Variants in PARD3B observed in about 807,000 individuals in gnomAD.
The protein encoded by PARD3B is partitioning defective 3 homolog B.
Under a neutral mutation model 130.2 loss-of-function variants are expected in PARD3B, and 103 were observed. That is an observed-to-expected ratio of 0.79 (90% CI 0.67 to 0.93). The LOEUF is 0.93. Among genes scored for constraint, PARD3B ranks in the 40% least tolerant of loss-of-function variants. The probability of loss-of-function intolerance (pLI) is 0.00; values close to 1 mark genes in which losing one functional copy is unlikely to be tolerated. For synonymous variants in PARD3B, 583 were observed against 553.2 expected, an observed-to-expected ratio of 1.05 and a Z score of -0.76; for missense variants, 1,609 against 1,499.2, an observed-to-expected ratio of 1.07 and a Z score of -1.21.
In PARD3B at chr2:205,446,299, G is replaced by T. The variant is rs2047905314; in HGVS notation, c.3044+5627G>T. On this transcript the variant is annotated intron_variant, in intron 20 of 22. Transcript: ENST00000406610. This position sits in a 1 kb window ranked among gnomAD's most constrained non-coding sequence, Gnocchi z 4.4. ...GGGGCAGGGTTTGGGTTGGAGAAGAGCTCGCTGAGGGGAAGAACTCACTGA... is the reference window on the plus strand; with the variant it reads ...GGGGCAGGGTTTGGGTTGGAGAAGATCTCGCTGAGGGGAAGAACTCACTGA... Among the ~76,000 whole-genome samples, 1 of 152,084 alleles carries T rather than the reference G, an allele frequency of 6.6e-6. No individual in the cohort carries two copies. The highest frequency in any genetic ancestry group is 2.4e-5 in the African/African-American group (1 of 41,396).
chr2:205,598,157 G>A (rs2054637541), intron 22 of PARD3B, among the ~76,000 whole-genome samples: 2 of 152,074 alleles, frequency 1.3e-5, no homozygotes, highest in African/African-American at 4.8e-5. Context: ...CCGTTTAAAA[G>A]GCAGAGAGTG....
In PARD3B at chr2:205,258,421, C is replaced by G. The variant is rs2040179675; in HGVS notation, c.2185+12599C>G. Among the ~76,000 whole-genome samples, 1 of 152,198 alleles carries G rather than the reference C, an allele frequency of 6.6e-6. No homozygotes were observed. Among genetic ancestry groups the G allele is most frequent in the African/African-American group, 2.4e-5 (1 of 41,458 alleles). On this transcript the variant is annotated intron_variant, in intron 16 of 22. Coordinates refer to ENST00000406610, the MANE Select transcript of PARD3B (RefSeq NM_001302769.2). The surrounding 1 kb of genome is among the most constrained non-coding windows in gnomAD (Gnocchi z 4.9). ...CTTTCTTCAAAGACAATTTCTGTGA[C>G]CACCCTATCTAAAATAGTCACCCAA...
chr2:205,108,580 C>T lies in PARD3B; in HGVS notation c.593+4066C>T, dbSNP rs150918121. Among the ~76,000 whole-genome samples the T allele has an allele frequency of 5.9e-5, 9 of 152,204 alleles. No homozygotes were observed. The East Asian group carries it at 1.6e-3, about 26-fold the overall frequency. Reference sequence around the variant, plus strand: ...ACTATCCTCGTTCAATATCTCCATACAGTTGACTTTCTCTCCTGTGCATGC... The same window carrying T: ...ACTATCCTCGTTCAATATCTCCATATAGTTGACTTTCTCTCCTGTGCATGC... On this transcript the variant is annotated intron_variant, in intron 5 of 22. Transcript: ENST00000406610.
intron 18 of PARD3B, among the ~76,000 whole-genome samples, chr2:205,382,426 A>T (rs2045486540): frequency 1.3e-5 from 2 of 152,106 alleles, no homozygotes; most frequent in South Asian, 4.1e-4. Flanking sequence ...AGTGATGTTC[A>T]TCTTGATCAT....
Position 205,247,905 on chromosome 2 carries a change from C to A in PARD3B, c.2185+2083C>A, listed in dbSNP as rs76280822. Among the ~76,000 whole-genome samples, 57 of 152,008 alleles carry A rather than the reference C, an allele frequency of 3.7e-4. No individual in the cohort carries two copies. In the East Asian group the frequency reaches 5.6e-3, roughly 15 times the overall value. ...AAAATTTATGTACTCTAAGAACATA[C>A]CCTTCCCCATTTTTTGTTTTTTGTT... On this transcript the variant is annotated intron_variant, in intron 16 of 22. Transcript: ENST00000406610.
Position 205,615,747 on chromosome 2 carries a change from C to T in PARD3B, c.3552C>T (p.Ser1184=), listed in dbSNP as rs775339884. The T allele has an allele frequency of 6.2e-7, 1 of 1,614,072 alleles. No homozygotes were observed. Among genetic ancestry groups the T allele is most frequent in the South Asian group, 1.1e-5 (1 of 91,070 alleles). ...GCAGACCAGGGCCCCGTGGGGGCAG[C>T]CCAGACCAGTACCCTTACCGAACCC... is the stretch of plus-strand genomic sequence containing the variant. ...ETGRPGPRGG[S]PDQYPYRTQD... The change falls in exon 23 of 23, where the codon AGC becomes AGT. Residue 1184 remains serine (S), a synonymous_variant. Coordinates refer to ENST00000406610, the MANE Select transcript of PARD3B (RefSeq NM_001302769.2).
chr2:205,525,264 C>T lies in PARD3B; in HGVS notation c.3180+25233C>T, dbSNP rs1224115665. ...GTATGTAAAACTTCCAAATTGGTTTCCTTACCACTCCAAGAGTGGGGTCTC... is the reference window on the plus strand; with the variant it reads ...GTATGTAAAACTTCCAAATTGGTTTTCTTACCACTCCAAGAGTGGGGTCTC... On this transcript the variant is annotated intron_variant, in intron 21 of 22. Transcript: ENST00000406610. This position sits in a 1 kb window ranked among gnomAD's most constrained non-coding sequence, Gnocchi z 4.2. Among the ~76,000 whole-genome samples the T allele has an allele frequency of 1.3e-5, 2 of 152,098 alleles. No homozygotes were observed. Among genetic ancestry groups the T allele is most frequent in the African/African-American group, 2.4e-5 (1 of 41,422 alleles).
chr2:204,800,565 G>A (rs892842358), intron 2 of PARD3B, among the ~76,000 whole-genome samples: 1 of 152,062 alleles, frequency 6.6e-6, no homozygotes, highest in Non-Finnish European at 1.5e-5. Context: ...GTCCAAAAAC[G>A]ACCTCAAGGC....
rs752032800 is a variant in PARD3B at position 205,590,520 on chromosome 2, C to T, written c.3261-24936C>T. On this transcript the variant is annotated intron_variant, in intron 22 of 22. Transcript: ENST00000406610. The surrounding 1 kb of genome is among the most constrained non-coding windows in gnomAD (Gnocchi z 4.1). ...AATCACTGTGCCCGAGGGGATGGAA[C>T]GTTCTGATGATCCAGGCCTGGGTCA... 2.0e-5 allele frequency among the ~76,000 whole-genome samples: 3 copies of T among 152,156 alleles called. No homozygotes were observed. The highest frequency in any genetic ancestry group is 7.2e-5 in the African/African-American group (3 of 41,430).
At chr2:204,729,441 T>C (rs912487326) in intron 2 of PARD3B, among the ~76,000 whole-genome samples, 1 of 152,178 alleles carries the variant, frequency 6.6e-6, no homozygotes, top group African/African-American at 2.4e-5. Context: ...AGCCTCTGTT[T>C]CCATAAAGCT....
intron 1 of PARD3B, among the ~76,000 whole-genome samples, chr2:204,576,937 G>A (rs879907548): frequency 1.2e-4 from 18 of 152,058 alleles, no homozygotes; most frequent in Non-Finnish European, 2.2e-4. Flanking sequence ...GTTTTTAATG[G>A]ATATTTTTCT....
At chr2:205,333,052 A>G (rs1274102349) in intron 18 of PARD3B, among the ~76,000 whole-genome samples, 1 of 152,188 alleles carries the variant, frequency 6.6e-6, no homozygotes, top group Non-Finnish European at 1.5e-5. Flanking sequence ...AATGTGGTTT[A>G]AGTTTGTAAA....
In PARD3B at chr2:204,546,113, G is replaced by C. The variant is rs1428468350; in HGVS notation, c.114G>C (p.Arg38=). The change falls in exon 1 of 23, where the codon CGG becomes CGC. Residue 38 remains arginine (R), a synonymous_variant. Transcript: ENST00000406610. The stretch of plus-strand genomic sequence containing the variant: ...CGCTGCAGCGGTACCTGAAGACCCG[G>C]GAGAAGGTGAGCGCGGCGCGGAGGA... ...QQALQRYLKT[R]EKGPGYWVKI... The C allele has an allele frequency of 1.3e-6, 2 of 1,555,288 alleles. No individual in the cohort carries two copies. Among genetic ancestry groups the C allele is most frequent in the African/African-American group, 2.7e-5 (2 of 73,354 alleles).
chr2:204,690,443 G>A (rs1434142665), intron 2 of PARD3B, among the ~76,000 whole-genome samples: 1 of 152,104 alleles, frequency 6.6e-6, no homozygotes, highest in Non-Finnish European at 1.5e-5. Flanking sequence ...TGGACCCAAT[G>A]TAGTCACAAG....
chr2:205,450,723 G>A (rs553653486), intron 20 of PARD3B, among the ~76,000 whole-genome samples: 3 of 151,930 alleles, frequency 2.0e-5, no homozygotes, highest in South Asian at 2.1e-4. Context: ...TGATCCGCCC[G>A]CCTCGGCCTC....
At chr2:205,536,966 T>C (rs2051889963) in intron 21 of PARD3B, among the ~76,000 whole-genome samples, 1 of 152,234 alleles carries the variant, frequency 6.6e-6, no homozygotes, top group Non-Finnish European at 1.5e-5. Context: ...CAACTCCCCC[T>C]GGGAAATTAT....
intron 1 of PARD3B, among the ~76,000 whole-genome samples, chr2:204,555,648 C>T (rs1314006248): frequency 1.3e-5 from 2 of 152,128 alleles, no homozygotes; most frequent in Non-Finnish European, 2.9e-5. Context: ...TTGAGGACTC[C>T]AGCACCCTAT....
intron 21 of PARD3B, among the ~76,000 whole-genome samples, chr2:205,551,014 C>A (rs1331234547): frequency 6.9e-6 from 1 of 144,810 alleles, no homozygotes; most frequent in Non-Finnish European, 1.5e-5. Context: ...TAATCTGTTC[C>A]TCGAGGCACC....
At chr2:205,514,615 TAGATACAG>T (rs1218971603) in intron 21 of PARD3B, among the ~76,000 whole-genome samples, 2 of 50,166 alleles carry the variant, frequency 4.0e-5, no homozygotes, top group Non-Finnish European at 1.6e-4. Context: ...AATATAAAGA[TAGATACAG>T]ACACAATTTG....
Sources: allele counts gnomAD v4.1 joint callset (sites outside exome capture counted in the v4.1 genomes callset), GRCh38; gene constraint gnomAD v4.1.1; non-coding constraint Gnocchi (gnomAD v3.1); transcripts MANE v1.5; gene names NCBI Gene and HGNC (gene_info 2026-07-23, HGNC 2026-07-21).